Variants in BCAS3 observed in about 807,000 individuals in gnomAD.
The protein encoded by BCAS3 is BCAS4/BCAS3 fusion.
BCAS3 carries 53 observed loss-of-function variants against 116.1 expected under a neutral mutation model. That is an observed-to-expected ratio of 0.46 (90% CI 0.37 to 0.57). The LOEUF (loss-of-function observed/expected upper bound fraction) is 0.57. Among genes scored for constraint, BCAS3 ranks in the 20% least tolerant of loss-of-function variants. BCAS3 has a pLI of 0.00. For missense variants in BCAS3, 917 were observed against 1,165.4 expected, an observed-to-expected ratio of 0.79 and a Z score of 3.10; for synonymous variants, 391 against 408.2, an observed-to-expected ratio of 0.96 and a Z score of 0.51.
intron 22 of BCAS3, among the ~76,000 whole-genome samples, chr17:61,193,822 T>TA (rs1463277488): frequency 8.2e-6 from 1 of 121,336 alleles, no homozygotes; most frequent in Non-Finnish European, 1.7e-5. Context: ...ATTCTGCTTA[T>TA]AAAAAAAGTA....
At chr17:61,044,465 A>AAAAAAAAAAAATAT in intron 19 of BCAS3, among the ~76,000 whole-genome samples, 15 of 120,112 alleles carry the variant, frequency 1.2e-4, no homozygotes, top group African/African-American at 6.5e-4. Context: ...AAAAAAAAAA[A>AAAAAAAAAAAATAT]ATATATATAT....
rs532342070 is a variant in BCAS3 at position 61,363,964 on chromosome 17, A to G, written c.2426-4363A>G. ...TCTTCACCCCAGTGCCTGCTGAAAC[A>G]CACCTGCAGCCTTGCTCTCACTCTG... On this transcript the variant is annotated intron_variant, in intron 22 of 23. Transcript: ENST00000407086. This position sits in a 1 kb window ranked among gnomAD's most constrained non-coding sequence, Gnocchi z 4.9. Among the ~76,000 whole-genome samples, 43 of 152,274 alleles carry G rather than the reference A, an allele frequency of 2.8e-4. No homozygotes were observed. In the South Asian group the frequency reaches 3.3e-3, roughly 12 times the overall value.
chr17:60,785,631 C>G (rs1568247037), intron 6 of BCAS3, among the ~76,000 whole-genome samples: 1 of 152,130 alleles, frequency 6.6e-6, no homozygotes, highest in African/African-American at 2.4e-5. Flanking sequence ...CGATTAAATA[C>G]TGAGTTAGGT....
At chr17:60,865,121 A>G (rs1240367157) in intron 7 of BCAS3, among the ~76,000 whole-genome samples, 1 of 152,166 alleles carries the variant, frequency 6.6e-6, no homozygotes, top group Non-Finnish European at 1.5e-5. Flanking sequence ...GAGAGACACT[A>G]GTTGAGCACG....
At chr17:60,826,376 G>A (rs1188372057) in intron 7 of BCAS3, among the ~76,000 whole-genome samples, 1 of 151,798 alleles carries the variant, frequency 6.6e-6, no homozygotes, top group Non-Finnish European at 1.5e-5. Flanking sequence ...GTAGGGATGG[G>A]GTTTTGCCAT....
At chr17:61,184,965 A>G (rs961614820) in intron 22 of BCAS3, among the ~76,000 whole-genome samples, 1 of 152,074 alleles carries the variant, frequency 6.6e-6, no homozygotes, top group African/African-American at 2.4e-5. Context: ...GAAGAGGGAT[A>G]AGGGGACTTT....
At chr17:61,075,427 GC>G (rs1382795184) in intron 20 of BCAS3, among the ~76,000 whole-genome samples, 4 of 152,160 alleles carry the variant, frequency 2.6e-5, no homozygotes, top group Admixed American at 6.5e-5. Flanking sequence ...CGATTCTCAT[GC>G]CTCAGCTTCT....
chr17:61,086,946 C>T, intron 22 of BCAS3: 1 of 985,288 alleles, frequency 1.0e-6, no homozygotes, highest in Non-Finnish European at 1.2e-6. Flanking sequence ...TTTAATAGGA[C>T]CAACTGTTGT....
At chr17:60,689,797 A>T (rs1568021154) in intron 4 of BCAS3, 36 bp downstream of exon 4, 2 of 1,448,310 alleles carry the variant, frequency 1.4e-6, no homozygotes, top group Non-Finnish European at 1.9e-6. Context: ...GTGTGAATTA[A>T]TTGTTTGTTT....
rs73322791 is a variant in BCAS3, at chr17:61,004,929, A to T, written c.1487-10822A>T. Among the ~76,000 whole-genome samples, 1,914 of 152,198 alleles carry T rather than the reference A, an allele frequency of 0.013. 39 individuals are homozygous for T. The highest frequency in any genetic ancestry group is 0.044 in the African/African-American group (1,843 of 41,544). On this transcript the variant is annotated intron_variant, in intron 15 of 23. Transcript: ENST00000407086. The surrounding 1 kb of genome is among the most constrained non-coding windows in gnomAD (Gnocchi z 4.8). ...CTTAATTAATGTTCAATAATATTTCACTCTGGTCTAGTTTTGGAGCAGATT... is the reference window on the plus strand; with the variant it reads ...CTTAATTAATGTTCAATAATATTTCTCTCTGGTCTAGTTTTGGAGCAGATT...
In BCAS3 at chr17:60,936,548, A is replaced by G. The variant is rs562757898; in HGVS notation, c.1088-10671A>G. Among the ~76,000 whole-genome samples the G allele has an allele frequency of 9.1e-4, 138 of 152,256 alleles. 2 individuals carry two copies. Among genetic ancestry groups the G allele is most frequent in the South Asian group, 2.3e-3 (11 of 4,830 alleles). On this transcript the variant is annotated intron_variant, in intron 13 of 23. Coordinates refer to ENST00000407086, the MANE Select transcript of BCAS3 (RefSeq NM_017679.5). ...GTTTCCTGACTTTTTAGTGATCGTC[A>G]TTCTAACTGGTGTGAGATGGTATCT...
In BCAS3 at chr17:61,017,470, T is replaced by A. The variant is rs2065537993; in HGVS notation, c.1637+1569T>A. Among the ~76,000 whole-genome samples the A allele has an allele frequency of 6.6e-6, 1 of 152,194 alleles. No homozygotes were observed. The highest frequency in any genetic ancestry group is 2.4e-5 in the African/African-American group (1 of 41,462). Reference sequence around the variant, plus strand: ...AACCATCCTCAAAATTGTTTCTCTGTAATTTAATTTTATATTCAGAGTGAG... The same window carrying A: ...AACCATCCTCAAAATTGTTTCTCTGAAATTTAATTTTATATTCAGAGTGAG... On this transcript the variant is annotated intron_variant, in intron 16 of 23. Transcript: ENST00000407086. This position sits in a 1 kb window ranked among gnomAD's most constrained non-coding sequence, Gnocchi z 4.7.
Position 61,065,068 on chromosome 17 carries a change from G to A in BCAS3, c.2030-9852G>A, listed in dbSNP as rs2070471394. On this transcript the variant is annotated intron_variant, in intron 19 of 23. Coordinates refer to ENST00000407086, the MANE Select transcript of BCAS3 (RefSeq NM_017679.5). This position sits in a 1 kb window ranked among gnomAD's most constrained non-coding sequence, Gnocchi z 4.8. ...TAGTTATGTGTGTTATTTTTAATCT[G>A]AAAGGGTTCTCCCTTTTTTTAGTCA... 6.6e-6 allele frequency among the ~76,000 whole-genome samples: 1 copy of A among 152,060 alleles called. No homozygotes were observed. The highest frequency in any genetic ancestry group is 1.5e-5 in the Non-Finnish European group (1 of 67,996).
chr17:61,192,246 C>CCAAAAAAAAAAAAAAA (rs2080180656), intron 22 of BCAS3, among the ~76,000 whole-genome samples: 1 of 70,678 alleles, frequency 1.4e-5, no homozygotes. Flanking sequence ...GCTCTGTTAC[C>CCAAAAAAAAAAAAAAA]AAAAAAAAAA....
chr17:61,179,524 G>A (rs2144162508), intron 22 of BCAS3, among the ~76,000 whole-genome samples: 1 of 152,262 alleles, frequency 6.6e-6, no homozygotes, highest in Non-Finnish European at 1.5e-5. Context: ...GTGCCATGAG[G>A]TGGGGGAGGA....
chr17:60,922,417 G>A (rs751184294), intron 12 of BCAS3, among the ~76,000 whole-genome samples: 47 of 152,072 alleles, frequency 3.1e-4, no homozygotes, highest in Admixed American at 4.6e-4. Context: ...GAGCCACCGC[G>A]CCTGGCCCAA....
intron 6 of BCAS3, among the ~76,000 whole-genome samples, chr17:60,770,482 G>C (rs909161971): frequency 1.7e-4 from 22 of 130,782 alleles, no homozygotes; most frequent in African/African-American, 6.0e-4. Flanking sequence ...GCAGTGGCGT[G>C]ATCTCGGCTC....
intron 7 of BCAS3, among the ~76,000 whole-genome samples, chr17:60,855,968 C>G (rs1043147035): frequency 2.6e-5 from 4 of 152,182 alleles, no homozygotes; most frequent in Admixed American, 2.6e-4. Context: ...CAGGTGTGAG[C>G]CGCCGCGCCT....
intron 5 of BCAS3, among the ~76,000 whole-genome samples, chr17:60,733,132 A>G (rs2040626773): frequency 6.6e-6 from 1 of 152,228 alleles, no homozygotes; most frequent in African/African-American, 2.4e-5. Context: ...TTTAACAAAT[A>G]TACAATTTAT....
Sources: allele counts gnomAD v4.1 joint callset (sites outside exome capture counted in the v4.1 genomes callset), GRCh38; gene constraint gnomAD v4.1.1; non-coding constraint Gnocchi (gnomAD v3.1); transcripts MANE v1.5; gene names NCBI Gene and HGNC (gene_info 2026-07-23, HGNC 2026-07-21).